The following ACVR1 variants were observed in gnomAD, a reference collection of about 807,000 sequenced individuals.
ACVR1 encodes activin A receptor type 1, also known as activin receptor type-1.
ACVR1 carries 38 observed loss-of-function variants against 57.1 expected under a neutral mutation model. That is an observed-to-expected ratio of 0.67 (90% CI 0.51 to 0.87). ACVR1 has a LOEUF of 0.87. ACVR1 is among the 40% of genes least tolerant of loss of function. The pLI, the probability that ACVR1 is intolerant of heterozygous loss-of-function variation, is 0.00. For missense variants in ACVR1, 463 were observed against 638.2 expected (o/e 0.73, Z 2.96); for synonymous variants, 212 against 228.1 (o/e 0.93, Z 0.63).
intron 1 of ACVR1, among the ~76,000 whole-genome samples, chr2:157,852,262 C>T (rs578114976): frequency 6.6e-6 from 1 of 152,034 alleles, no homozygotes; most frequent in South Asian, 2.1e-4. Flanking sequence ...CTTTGGGAGG[C>T]CGAGGCGGGT....
chr2:157,764,201 T>A (rs945393196), intron 8 of ACVR1, among the ~76,000 whole-genome samples: 7 of 151,998 alleles, frequency 4.6e-5, no homozygotes, highest in Non-Finnish European at 1.0e-4. Context: ...TATTTTTTTT[T>A]AGACGAAGTC....
intron 3 of ACVR1, among the ~76,000 whole-genome samples, chr2:157,788,885 C>G (rs546595294): frequency 8.5e-5 from 13 of 152,202 alleles, no homozygotes; most frequent in African/African-American, 3.1e-4. Context: ...ATTCATTTCC[C>G]AAGGCCCTAC....
At chr2:157,764,504 G>A (rs966902855) in intron 8 of ACVR1, among the ~76,000 whole-genome samples, 10 of 151,534 alleles carry the variant, frequency 6.6e-5, no homozygotes, top group South Asian at 4.2e-4. Context: ...CACCGCGCCC[G>A]GCCACGATCA....
At chr2:157,862,431 AC>A (rs1467077098) in intron 1 of ACVR1, among the ~76,000 whole-genome samples, 3 of 131,706 alleles carry the variant, frequency 2.3e-5, no homozygotes, top group Non-Finnish European at 5.1e-5. Context: ...ATACACACAC[AC>A]ACACACACAC....
At chr2:157,827,390 G>T (rs2105339927) in intron 1 of ACVR1, among the ~76,000 whole-genome samples, 1 of 152,182 alleles carries the variant, frequency 6.6e-6, no homozygotes, top group South Asian at 2.1e-4. Context: ...AAAGAAAAAT[G>T]AACAATGTTT....
intron 1 of ACVR1, among the ~76,000 whole-genome samples, chr2:157,829,133 C>T (rs890651212): frequency 3.3e-5 from 5 of 152,086 alleles, no homozygotes; most frequent in South Asian, 2.1e-4. Context: ...TAACTGAGTA[C>T]GAAAATGTAC....
intron 9 of ACVR1, among the ~76,000 whole-genome samples, chr2:157,744,871 G>A (rs1460399234): frequency 6.6e-6 from 1 of 152,220 alleles, no homozygotes; most frequent in African/African-American, 2.4e-5. Flanking sequence ...ACTGCCAGAG[G>A]GTTATGAGAA....
intron 10 of ACVR1, 129 bp downstream of exon 10, chr2:157,738,311 T>C (rs1684618191): frequency 5.0e-6 from 7 of 1,408,978 alleles, no homozygotes; most frequent in South Asian, 2.3e-5. Flanking sequence ...CCCTTCTATA[T>C]AAAATAGGAA....
chr2:157,821,440 G>A (rs1353161045), intron 1 of ACVR1, among the ~76,000 whole-genome samples: 5 of 152,032 alleles, frequency 3.3e-5, no homozygotes, highest in African/African-American at 1.2e-4. Flanking sequence ...CACGAGACTC[G>A]CTTGAACCCG....
At chr2:157,751,830 G>T (rs563445660) in intron 9 of ACVR1, among the ~76,000 whole-genome samples, 2 of 152,054 alleles carry the variant, frequency 1.3e-5, no homozygotes, top group Admixed American at 1.3e-4. Context: ...GCTCTGTCAC[G>T]CCTAACCCTG....
rs1685630100 is a variant in ACVR1 at position 157,761,019 on chromosome 2, A to G, written c.1125T>C (p.Arg375=). ...TNQLDVGNNP[R]VGTKRYMAPE... ...GGGCCATGTAGCGCTTGGTGCCCAC[A>G]CGGGGATTGTTCCCCACATCAAGCT... The change falls in exon 9 of 11, where the codon CGT becomes CGC. Residue 375 remains arginine (R), a synonymous_variant. Transcript: ENST00000434821. 1 of 1,614,010 alleles carries G rather than the reference A, an allele frequency of 6.2e-7. No individual in the cohort carries two copies.
At chr2:157,818,597 A>C (rs1688032914) in intron 1 of ACVR1, 38 bp from the exon 2 acceptor site, 1 of 152,270 alleles carries the variant, frequency 6.6e-6, no homozygotes, top group African/African-American at 2.4e-5. Context: ...AGCTAAGCAG[A>C]AGAAAATCCT....
chr2:157,821,661 G>A (rs1261538380), intron 1 of ACVR1, among the ~76,000 whole-genome samples: 1 of 152,100 alleles, frequency 6.6e-6, no homozygotes, highest in Non-Finnish European at 1.5e-5. Context: ...CAACTTATTT[G>A]GCGATGGAGT....
chr2:157,849,115 T>C (rs12997265), intron 1 of ACVR1, among the ~76,000 whole-genome samples: 3,783 of 152,320 alleles, frequency 0.025, 80 homozygotes, highest in Middle Eastern at 0.058. Context: ...CCAGTACTTA[T>C]ACAACTAAAT....
intron 1 of ACVR1, among the ~76,000 whole-genome samples, chr2:157,849,428 T>C (rs1264565339): frequency 6.6e-6 from 1 of 152,248 alleles, no homozygotes; most frequent in Non-Finnish European, 1.5e-5. Context: ...TATAAACTTT[T>C]TAAACTGTTT....
rs554223961 is a variant in ACVR1, at chr2:157,784,640, T to C, written c.68-4040A>G. 3.3e-5 allele frequency among the ~76,000 whole-genome samples: 5 copies of C among 152,266 alleles called. No homozygotes were observed. The South Asian group carries it at 8.3e-4, about 25-fold the overall frequency. ...GAAAACACTCGCAGCCTGGGCTGGC[T>C]GGGAACAGCAGGGAGTTCTGACCAC... On this transcript the variant is annotated intron_variant, in intron 3 of 10. Coordinates refer to ENST00000434821, the MANE Select transcript of ACVR1 (RefSeq NM_001111067.4).
intron 1 of ACVR1, among the ~76,000 whole-genome samples, chr2:157,820,377 A>G (rs773145222): frequency 2.6e-5 from 4 of 152,164 alleles, no homozygotes; most frequent in Admixed American, 6.5e-5. Context: ...TGGCAGATTC[A>G]CACTAAAGCT....
At chr2:157,829,785 T>C (rs1346477777) in intron 1 of ACVR1, among the ~76,000 whole-genome samples, 1 of 152,186 alleles carries the variant, frequency 6.6e-6, no homozygotes, top group East Asian at 1.9e-4. Context: ...CCCTCATCTG[T>C]TTTTCCCAAA....
intron 9 of ACVR1, among the ~76,000 whole-genome samples, chr2:157,754,033 A>AT (rs1685317862): frequency 6.6e-6 from 1 of 152,218 alleles, no homozygotes; most frequent in Non-Finnish European, 1.5e-5. Flanking sequence ...TGAAATCAAG[A>AT]TGGAAATTAA....
Sources: allele counts gnomAD v4.1 joint callset (sites outside exome capture counted in the v4.1 genomes callset), GRCh38; gene constraint gnomAD v4.1.1; transcripts MANE v1.5; gene names NCBI Gene and HGNC (gene_info 2026-07-23, HGNC 2026-07-21).